The following ZNF25 variants were observed in gnomAD, a reference collection of about 807,000 sequenced individuals.
The protein encoded by ZNF25 is zinc finger protein 25 (KOX 19).
Under a neutral mutation model 30.9 loss-of-function variants are expected in ZNF25, and 21 were observed. The ratio of observed to expected loss-of-function variants is 0.68; its 90% confidence interval spans 0.48 to 0.98. ZNF25 has a LOEUF of 0.98. ZNF25 is among the 50% of genes least tolerant of loss of function. The probability of loss-of-function intolerance (pLI) is 0.00; values close to 1 mark genes in which losing one functional copy is unlikely to be tolerated. For missense variants in ZNF25, 501 were observed against 529.9 expected, an observed-to-expected ratio of 0.95 and a Z score of 0.54; for synonymous variants, 169 against 181.3, an observed-to-expected ratio of 0.93 and a Z score of 0.55.
At chr10:37,968,063 T>C (rs894103199) in intron 2 of ZNF25, 5 of 152,196 alleles carry the variant, frequency 3.3e-5, no homozygotes, top group East Asian at 1.9e-4. Context: ...TGGAAAATAT[T>C]TGCAAATCAT....
chr10:37,952,623 C>T lies in ZNF25; in HGVS notation c.875G>A (p.Gly292Glu), dbSNP rs757348406. ...GTGTGAATTCCTAGAGAAGAATTTCCCACATTCCTTACATTTATAGGGTTT... is the reference window on the plus strand; with the variant it reads ...GTGTGAATTCCTAGAGAAGAATTTCTCACATTCCTTACATTTATAGGGTTT... ...GEKPYKCKEC[G>E]KFFSRNSHLK... is the part of the protein sequence containing the mutation. Residue 292 changes from glycine to glutamate, a missense_variant, in exon 6 of 6, where the codon GGG (glycine) becomes GAG (glutamate). Physicochemically the swap from Gly to Glu is moderately conservative, Grantham distance 98. Transcript: ENST00000302609. 2 of 1,613,432 alleles carry T rather than the reference C, an allele frequency of 1.2e-6. No homozygotes were observed. The highest frequency in any genetic ancestry group is 4.5e-5 in the East Asian group (2 of 44,786).
chr10:37,967,403 C>T (rs536531617), intron 2 of ZNF25, among the ~76,000 whole-genome samples: 8 of 151,894 alleles, frequency 5.3e-5, no homozygotes, highest in African/African-American at 1.4e-4. Context: ...CATGTATCTA[C>T]GACCACATGA....
chr10:37,974,603 G>C (rs2063693568), intron 1 of ZNF25, among the ~76,000 whole-genome samples: 1 of 151,780 alleles, frequency 6.6e-6, no homozygotes, highest in Admixed American at 6.6e-5. Flanking sequence ...TTATAAAAAA[G>C]GCAAAAAAAT....
At chr10:37,960,180 G>C (rs550043707) in intron 2 of ZNF25, among the ~76,000 whole-genome samples, 1 of 152,274 alleles carries the variant, frequency 6.6e-6, no homozygotes, top group African/African-American at 2.4e-5. Flanking sequence ...TTAATGAGTT[G>C]AATTTTGTTC....
intron 1 of ZNF25, 93 bp from the exon 2 acceptor site, chr10:37,971,900 T>C: frequency 1.3e-6 from 1 of 776,662 alleles, no homozygotes; most frequent in Non-Finnish European, 2.1e-6. Context: ...AGGACCATGA[T>C]GAAGTAGCAC....
chr10:37,962,647 AG>A (rs1479438724), intron 2 of ZNF25, among the ~76,000 whole-genome samples: 4 of 152,196 alleles, frequency 2.6e-5, no homozygotes, highest in African/African-American at 9.7e-5. Context: ...GAAAAAACTA[AG>A]AAAGCTGATA....
At chr10:37,965,311 G>C (rs1259280966) in intron 2 of ZNF25, among the ~76,000 whole-genome samples, 1 of 152,124 alleles carries the variant, frequency 6.6e-6, no homozygotes, top group Non-Finnish European at 1.5e-5. Flanking sequence ...TGGAGCTGTG[G>C]GAAGGGGACC....
chr10:37,957,226 G>T, intron 3 of ZNF25, 111 bp from the exon 4 acceptor site: 3 of 1,316,388 alleles, frequency 2.3e-6, no homozygotes, highest in Non-Finnish European at 3.2e-6. Flanking sequence ...GTTAGGCTTG[G>T]CAAATTTAGA....
chr10:37,958,149 C>A (rs2062645184), intron 2 of ZNF25, among the ~76,000 whole-genome samples: 1 of 152,092 alleles, frequency 6.6e-6, no homozygotes, highest in Admixed American at 6.6e-5. Flanking sequence ...TATATTTTTG[C>A]CAGGGAGACA....
intron 2 of ZNF25, 71 bp from the exon 3 acceptor site, chr10:37,957,617 A>G (rs2799499): frequency 0.88 from 1,337,120 of 1,524,036 alleles, 587,412 homozygotes; most frequent in South Asian, 0.94. Flanking sequence ...AGACATGTGA[A>G]CTAGCTCTTA....
chr10:37,953,649 T>C (rs772245055), intron 5 of ZNF25, 46 bp downstream of exon 5: 12 of 1,581,224 alleles, frequency 7.6e-6, no homozygotes, highest in Admixed American at 1.7e-5. Flanking sequence ...CCTTTAAGAC[T>C]CTTGCTTACA....
At chr10:37,970,464 G>A (rs1369369006) in intron 2 of ZNF25, among the ~76,000 whole-genome samples, 1 of 151,992 alleles carries the variant, frequency 6.6e-6, no homozygotes, top group Non-Finnish European at 1.5e-5. Flanking sequence ...GAAAAGAAGG[G>A]AACTTCCTTC....
In ZNF25 at chr10:37,957,618, C is replaced by G. The variant is rs1334924632; in HGVS notation, c.16-72G>C. ...GCATACCATTGAAAAGACATGTGAACTAGCTCTTAGTGTACTAACTGCAAA... is the reference window on the plus strand; with the variant it reads ...GCATACCATTGAAAAGACATGTGAAGTAGCTCTTAGTGTACTAACTGCAAA... On this transcript the variant is annotated intron_variant, in intron 2 of 5. Coordinates refer to ENST00000302609, the MANE Select transcript of ZNF25 (RefSeq NM_145011.4). The G allele has an allele frequency of 5.3e-6, 8 of 1,504,248 alleles. No homozygotes were observed. The East Asian group carries it at 1.8e-4, about 35-fold the overall frequency. The allele number at this position is 1,504,248 out of a possible 1,614,324, so 93.2% of individuals were successfully genotyped here.
At chr10:37,960,443 T>C (rs1392524114) in intron 2 of ZNF25, among the ~76,000 whole-genome samples, 1 of 135,238 alleles carries the variant, frequency 7.4e-6, no homozygotes, top group Non-Finnish European at 1.6e-5. Context: ...TGAGACCCCG[T>C]CTCTACTAAA....
At chr10:37,966,339 G>A (rs564880965) in intron 2 of ZNF25, among the ~76,000 whole-genome samples, 2 of 151,994 alleles carry the variant, frequency 1.3e-5, no homozygotes, top group East Asian at 1.9e-4. Flanking sequence ...TCTTGAACCC[G>A]GGAGGTGGAG....
rs1191764920 is a variant in ZNF25, at chr10:37,949,731, G to A, written c.*2396C>T. On this transcript the variant is annotated 3_prime_UTR_variant, in exon 6 of 6. Transcript: ENST00000302609. ...TGTAAGTTTTTTGTTATTGGGTTAC[G>A]TTAGCTAAGTATGACTTACCAATGG... The A allele has an allele frequency of 1.3e-5, 2 of 152,452 alleles. No homozygotes were observed. Among genetic ancestry groups the A allele is most frequent in the Non-Finnish European group, 1.5e-5 (1 of 68,028 alleles). 9.4% of individuals were successfully genotyped at this position (152,452 alleles called of 1,614,324 possible).
intron 2 of ZNF25, among the ~76,000 whole-genome samples, chr10:37,962,267 A>G (rs2062928302): frequency 6.6e-6 from 1 of 152,116 alleles, no homozygotes; most frequent in Admixed American, 6.5e-5. Context: ...GCTAACGGAT[A>G]TATAAGAATA....
At chr10:37,972,915 C>T (rs143562724) in intron 1 of ZNF25, among the ~76,000 whole-genome samples, 9,114 of 152,196 alleles carry the variant, frequency 0.06, 351 homozygotes, top group Middle Eastern at 0.095. Flanking sequence ...CGCCTGTAAT[C>T]CCAGCATTTT....
intron 2 of ZNF25, among the ~76,000 whole-genome samples, chr10:37,959,417 T>C (rs193020157): frequency 1.3e-5 from 2 of 152,290 alleles, no homozygotes; most frequent in African/African-American, 2.4e-5. Flanking sequence ...GCAGCTCCCA[T>C]AGTGTCTGTA....
Sources: gnomAD v4.1 joint callset for allele counts (sites outside exome capture counted in the v4.1 genomes callset) on GRCh38, gnomAD v4.1.1 for gene constraint, MANE v1.5 for transcripts, NCBI Gene and HGNC (gene_info 2026-07-23, HGNC 2026-07-21) for gene names.